Variants in LINGO2 observed in about 807,000 individuals in gnomAD.
The protein encoded by LINGO2 is leucine rich repeat and Ig domain containing 2, also known as leucine-rich repeat and immunoglobulin-like domain-containing nogo receptor-interacting protein 2.
A neutral mutation model predicts 30.6 loss-of-function variants in LINGO2; 14 were observed. The observed-to-expected ratio is 0.46, with a 90% CI of 0.30 to 0.72. The LOEUF is 0.72. Ranked by LOEUF, LINGO2 falls within the 30% of genes least tolerant of loss-of-function variation. LINGO2 has a pLI of 0.07. For synonymous variants in LINGO2, 317 were observed against 288.5 expected (o/e 1.10, Z -1.00); for missense variants, 729 against 751.7 (o/e 0.97, Z 0.35).
intron 3 of LINGO2, among the ~76,000 whole-genome samples, chr9:28,320,667 T>A (rs1029034139): frequency 1.3e-5 from 2 of 152,152 alleles, no homozygotes; most frequent in Non-Finnish European, 2.9e-5. Context: ...ATAGTACAGT[T>A]TAATGACGGG....
At chr9:28,167,150 C>A (rs576545804) in intron 4 of LINGO2, among the ~76,000 whole-genome samples, 20 of 139,350 alleles carry the variant, frequency 1.4e-4, no homozygotes, top group South Asian at 2.7e-4. Context: ...CCCCCCCCCC[C>A]CACTTTTCTT....
the LINGO2 span, among the ~76,000 whole-genome samples, chr9:29,078,510 A>G: frequency 1.3e-5 from 2 of 151,956 alleles, no homozygotes; most frequent in African/African-American, 4.8e-5. Flanking sequence ...AACCTTGAAT[A>G]AACCTTGAGT....
intron 4 of LINGO2, among the ~76,000 whole-genome samples, chr9:28,198,229 A>T (rs528666859): frequency 2.0e-5 from 3 of 148,334 alleles, no homozygotes; most frequent in African/African-American, 7.3e-5. Context: ...ATGATGTGCC[A>T]TTTCTCTGTG....
the LINGO2 span, among the ~76,000 whole-genome samples, chr9:29,156,876 C>G: frequency 6.6e-6 from 1 of 151,942 alleles, no homozygotes; most frequent in South Asian, 2.1e-4. Context: ...TACCTTAGAT[C>G]TAAATATTAA....
the LINGO2 span, among the ~76,000 whole-genome samples, chr9:28,693,461 G>A: frequency 2.6e-5 from 4 of 152,176 alleles, no homozygotes; most frequent in African/African-American, 9.6e-5. Context: ...CCATTATGTG[G>A]TGATCCAGAT....
chr9:28,582,199 A>T (rs1824291039), intron 1 of LINGO2, among the ~76,000 whole-genome samples: 1 of 152,104 alleles, frequency 6.6e-6, no homozygotes, highest in Non-Finnish European at 1.5e-5. Context: ...TCCACAAGTA[A>T]ATATCTGGAT....
the LINGO2 span, among the ~76,000 whole-genome samples, chr9:28,937,122 T>C: frequency 5.3e-5 from 8 of 152,254 alleles, no homozygotes; most frequent in South Asian, 2.1e-4. Context: ...CTTCAACATA[T>C]GGATTTGGGG....
intron 4 of LINGO2, among the ~76,000 whole-genome samples, chr9:28,033,044 ATGG>A (rs1823758798): frequency 6.6e-6 from 1 of 152,210 alleles, no homozygotes; most frequent in Non-Finnish European, 1.5e-5. Context: ...ACTAGAAAAC[ATGG>A]TGTAGACAGA....
chr9:28,252,627 A>C (rs1234489858), intron 4 of LINGO2, among the ~76,000 whole-genome samples: 1 of 152,042 alleles, frequency 6.6e-6, no homozygotes, highest in Admixed American at 6.6e-5. Context: ...ATCATATGAA[A>C]ATATATAGTA....
At chr9:28,402,106 T>G (rs1011360410) in intron 2 of LINGO2, among the ~76,000 whole-genome samples, 5 of 152,182 alleles carry the variant, frequency 3.3e-5, no homozygotes, top group African/African-American at 1.2e-4. Flanking sequence ...ACACAAGCAA[T>G]TCTAAAACCC....
At chr9:28,706,425 A>G in the LINGO2 span, among the ~76,000 whole-genome samples, 1 of 152,180 alleles carries the variant, frequency 6.6e-6, no homozygotes, top group Non-Finnish European at 1.5e-5. Context: ...AAGGAATAGA[A>G]TATTTTAAAA....
chr9:27,962,764 C>T (rs184441705), intron 5 of LINGO2, among the ~76,000 whole-genome samples: 243 of 152,142 alleles, frequency 1.6e-3, no homozygotes, highest in African/African-American at 5.6e-3. Context: ...TCATAATGTC[C>T]GACTGTGACC....
At chr9:28,987,457 A>G in the LINGO2 span, among the ~76,000 whole-genome samples, 1 of 151,962 alleles carries the variant, frequency 6.6e-6, no homozygotes, top group Admixed American at 6.6e-5. Context: ...GACTAAATAA[A>G]AGCATGTTAA....
intron 3 of LINGO2, among the ~76,000 whole-genome samples, chr9:28,299,513 C>G (rs556499692): frequency 6.6e-6 from 1 of 151,860 alleles, no homozygotes; most frequent in Admixed American, 6.6e-5. Context: ...AGGCAGAGGT[C>G]ATTAACAACT....
chr9:28,884,998 A>ATT, the LINGO2 span, among the ~76,000 whole-genome samples: 1 of 57,614 alleles, frequency 1.7e-5, no homozygotes, highest in East Asian at 7.7e-4. Flanking sequence ...ATAATATATT[A>ATT]TATATATATA....
At chr9:28,047,771 A>T (rs1055976210) in intron 4 of LINGO2, among the ~76,000 whole-genome samples, 1 of 142,186 alleles carries the variant, frequency 7.0e-6, no homozygotes, top group Non-Finnish European at 1.5e-5. Context: ...TAGAACACTT[A>T]AAATTATACT....
At chr9:28,117,616 C>T (rs1377521413) in intron 4 of LINGO2, among the ~76,000 whole-genome samples, 5 of 119,788 alleles carry the variant, frequency 4.2e-5, no homozygotes, top group Non-Finnish European at 8.7e-5. Context: ...TCTCGTGGTG[C>T]GCCGTTTCTT....
At chr9:29,063,320 AC>A in the LINGO2 span, among the ~76,000 whole-genome samples, 1 of 152,096 alleles carries the variant, frequency 6.6e-6, no homozygotes, top group South Asian at 2.1e-4. Context: ...ATGAATTCAT[AC>A]ATATCCATTA....
chr9:28,648,026 C>T (rs914942949), intron 1 of LINGO2, among the ~76,000 whole-genome samples: 22 of 151,364 alleles, frequency 1.5e-4, no homozygotes, highest in African/African-American at 4.9e-4. Context: ...GAAATGCAGA[C>T]GTGAGATGCT....
Sources: allele counts gnomAD v4.1 joint callset (sites outside exome capture counted in the v4.1 genomes callset), GRCh38; gene constraint gnomAD v4.1.1; transcripts MANE v1.5; gene names NCBI Gene and HGNC (gene_info 2026-07-23, HGNC 2026-07-21).